Variants in STK39 observed in about 807,000 individuals in gnomAD.
STK39 encodes the protein serine/threonine kinase 39.
A neutral mutation model predicts 77.8 loss-of-function variants in STK39; 20 were observed. The observed-to-expected ratio is 0.26, with a 90% CI of 0.18 to 0.37. The LOEUF (loss-of-function observed/expected upper bound fraction) is 0.37, where lower values mean the gene tolerates loss of function less well. STK39 is among the 10% of genes least tolerant of loss of function. The probability of loss-of-function intolerance (pLI) is 1.00; values close to 1 mark genes in which losing one functional copy is unlikely to be tolerated. For synonymous variants in STK39, 246 were observed against 234.1 expected, an observed-to-expected ratio of 1.05 and a Z score of -0.47; for missense variants, 479 against 656.5, an observed-to-expected ratio of 0.73 and a Z score of 2.95.
At chr2:167,966,577 C>G (rs1251879077) in intron 16 of STK39, among the ~76,000 whole-genome samples, 1 of 152,144 alleles carries the variant, frequency 6.6e-6, no homozygotes, top group Non-Finnish European at 1.5e-5. Flanking sequence ...AAGCAGAGCT[C>G]TAGCCTACAC....
chr2:167,976,192 G>C (rs953093160), intron 16 of STK39, among the ~76,000 whole-genome samples: 2 of 152,116 alleles, frequency 1.3e-5, no homozygotes, highest in Admixed American at 1.3e-4. Flanking sequence ...AATAACAAAA[G>C]AAGTGAGTAT....
At chr2:168,148,593 C>T (rs1688202476) in intron 5 of STK39, among the ~76,000 whole-genome samples, 1 of 152,178 alleles carries the variant, frequency 6.6e-6, no homozygotes, top group African/African-American at 2.4e-5. Context: ...CAGCAGCCAC[C>T]CACACTCACT....
At chr2:168,038,070 T>C (rs1411753890) in intron 14 of STK39, among the ~76,000 whole-genome samples, 2 of 152,282 alleles carry the variant, frequency 1.3e-5, no homozygotes, top group Non-Finnish European at 1.5e-5. Flanking sequence ...TGTGGTTTAG[T>C]TGAAAATCTG....
Position 168,187,797 on chromosome 2 carries a change from T to A in STK39, c.209-5707A>T, listed in dbSNP as rs570078848. 1.6e-3 allele frequency among the ~76,000 whole-genome samples: 250 copies of A among 152,334 alleles called. 1 individual carries two copies. The highest frequency in any genetic ancestry group is 5.7e-3 in the African/African-American group (239 of 41,588). ...TAGCAATAAACATCTAGTACTTTTTTTAAAAAAATTAGTCCATAAGAACTT... is the reference window on the plus strand; with the variant it reads ...TAGCAATAAACATCTAGTACTTTTTATAAAAAAATTAGTCCATAAGAACTT... On this transcript the variant is annotated intron_variant, in intron 1 of 17. Transcript: ENST00000355999.
At chr2:168,098,988 A>T (rs1272553118) in intron 10 of STK39, among the ~76,000 whole-genome samples, 1 of 152,152 alleles carries the variant, frequency 6.6e-6, no homozygotes, top group Non-Finnish European at 1.5e-5. Context: ...CAGTGACTAC[A>T]CTGTAAGGAG....
intron 16 of STK39, among the ~76,000 whole-genome samples, chr2:167,965,872 T>C (rs974726649): frequency 6.6e-6 from 1 of 152,228 alleles, no homozygotes; most frequent in African/African-American, 2.4e-5. Flanking sequence ...GTTTTAATTT[T>C]CTCTAAGGTC....
intron 16 of STK39, among the ~76,000 whole-genome samples, chr2:168,008,094 C>T (rs1176605088): frequency 6.6e-6 from 1 of 152,172 alleles, no homozygotes; most frequent in East Asian, 1.9e-4. Context: ...TTTCTGACTC[C>T]ATGGATTTGC....
chr2:167,958,114 C>T (rs1691836958), intron 17 of STK39, among the ~76,000 whole-genome samples: 1 of 152,170 alleles, frequency 6.6e-6, no homozygotes, highest in East Asian at 1.9e-4. Flanking sequence ...ACCAATGACC[C>T]TTCAAAACAG....
chr2:168,079,599 G>C (rs576269950), intron 10 of STK39, among the ~76,000 whole-genome samples: 2 of 152,318 alleles, frequency 1.3e-5, no homozygotes, highest in South Asian at 4.1e-4. Flanking sequence ...CCCATAGACT[G>C]GGGCAACAGC....
rs868344177 is a variant in STK39 at position 168,072,293 on chromosome 2, A to G, written c.1242+2689T>C. Among the ~76,000 whole-genome samples the G allele has an allele frequency of 2.6e-5, 4 of 152,216 alleles. No homozygotes were observed. The South Asian group carries it at 8.3e-4, about 32-fold the overall frequency. The stretch of plus-strand genomic sequence containing the variant: ...GATGACTTCTGTGGAACAAAGTGAT[A>G]GTTACAGGGGTGAAAAGGGGAGCAG... On this transcript the variant is annotated intron_variant, in intron 12 of 17. Transcript: ENST00000355999.
At chr2:168,029,842 T>C (rs913637194) in intron 14 of STK39, among the ~76,000 whole-genome samples, 1 of 152,156 alleles carries the variant, frequency 6.6e-6, no homozygotes, top group African/African-American at 2.4e-5. Context: ...TGTCCTCTCT[T>C]GGAAAGCTGG....
chr2:168,015,388 A>G (rs1684379481), intron 15 of STK39, among the ~76,000 whole-genome samples: 1 of 152,260 alleles, frequency 6.6e-6, no homozygotes, highest in African/African-American at 2.4e-5. Flanking sequence ...GACAGCATCA[A>G]TAGTCACAGA....
chr2:168,196,585 G>T (rs974573404), intron 1 of STK39, among the ~76,000 whole-genome samples: 1 of 152,240 alleles, frequency 6.6e-6, no homozygotes, highest in African/African-American at 2.4e-5. Flanking sequence ...GAACCTGGGA[G>T]GCAGAGGTTG....
intron 14 of STK39, among the ~76,000 whole-genome samples, chr2:168,039,984 T>C (rs72887645): frequency 0.45 from 68,991 of 151,866 alleles, 16,791 homozygotes; most frequent in Non-Finnish European, 0.54. Flanking sequence ...CCTGAGCCTC[T>C]CTATCCCTAC....
At chr2:168,047,529 G>T (rs1009874080) in intron 14 of STK39, among the ~76,000 whole-genome samples, 1 of 152,196 alleles carries the variant, frequency 6.6e-6, no homozygotes, top group African/African-American at 2.4e-5. Context: ...ACGAGTTCCA[G>T]ACAAACGTAC....
chr2:168,113,838 G>A lies in STK39; in HGVS notation c.1089+15703C>T, dbSNP rs543232134. On this transcript the variant is annotated intron_variant, in intron 10 of 17. Transcript: ENST00000355999. ...AGGCATGAAGCTTCTGTCAGGAAAAGGGGGACAGGCAAATATCTCTTGATA... is the reference window on the plus strand; with the variant it reads ...AGGCATGAAGCTTCTGTCAGGAAAAAGGGGACAGGCAAATATCTCTTGATA... 7.2e-5 allele frequency among the ~76,000 whole-genome samples: 11 copies of A among 152,330 alleles called. No individual in the cohort carries two copies. The South Asian group carries it at 1.9e-3, about 26-fold the overall frequency.
chr2:168,072,898 T>C (rs1685976981), intron 12 of STK39, among the ~76,000 whole-genome samples: 1 of 152,218 alleles, frequency 6.6e-6, no homozygotes, highest in Non-Finnish European at 1.5e-5. Flanking sequence ...CCTGAGAAGC[T>C]GTGCAATAGC....
chr2:168,018,653 G>A (rs1211392997), intron 14 of STK39, among the ~76,000 whole-genome samples: 1 of 152,114 alleles, frequency 6.6e-6, no homozygotes, highest in African/African-American at 2.4e-5. Context: ...AAATGTCTAA[G>A]ACAGAGTCAG....
chr2:168,083,892 T>G (rs981684124), intron 10 of STK39, among the ~76,000 whole-genome samples: 4 of 152,078 alleles, frequency 2.6e-5, no homozygotes, highest in Non-Finnish European at 4.4e-5. Context: ...TGTCCCACCA[T>G]AAGAAGGCAA....
Sources: gnomAD v4.1 joint callset for allele counts (sites outside exome capture counted in the v4.1 genomes callset) on GRCh38, gnomAD v4.1.1 for gene constraint, MANE v1.5 for transcripts, NCBI Gene and HGNC (gene_info 2026-07-23, HGNC 2026-07-21) for gene names.